The following ETS1 variants were observed in gnomAD, a reference collection of about 807,000 sequenced individuals.
The protein encoded by ETS1 is protein C-ets-1.
Under a neutral mutation model 58.6 loss-of-function variants are expected in ETS1, and 15 were observed. The ratio of observed to expected loss-of-function variants is 0.26; its 90% CI spans 0.17 to 0.39. ETS1 has a LOEUF of 0.39. Ranked by LOEUF, ETS1 falls within the 10% of genes least tolerant of loss-of-function variation. The probability of loss-of-function intolerance (pLI) is 1.00; values close to 1 mark genes in which losing one functional copy is unlikely to be tolerated. For missense variants in ETS1, 417 were observed against 610.5 expected (o/e 0.68, Z 3.34); for synonymous variants, 214 against 218.2 (o/e 0.98, Z 0.17).
intron 5 of ETS1, among the ~76,000 whole-genome samples, chr11:128,488,967 T>G (rs947121144): frequency 6.6e-6 from 1 of 152,212 alleles, no homozygotes; most frequent in Admixed American, 6.5e-5. Context: ...ATTCTTGGGT[T>G]GGCTGTGGGC....
chr11:128,511,539 T>C (rs1307835429), intron 3 of ETS1, among the ~76,000 whole-genome samples: 1 of 152,168 alleles, frequency 6.6e-6, no homozygotes, highest in Admixed American at 6.5e-5. Flanking sequence ...CAAAGCTCAG[T>C]AATCATACTA....
rs565234924 is a variant in ETS1, at chr11:128,560,196, T to G, written c.70-3761A>C. 2.6e-3 allele frequency among the ~76,000 whole-genome samples: 389 copies of G among 152,062 alleles called. 1 individual carries two copies. Among genetic ancestry groups the G allele is most frequent in the African/African-American group, 8.9e-3 (371 of 41,464 alleles). The stretch of plus-strand genomic sequence containing the variant: ...GGCGCAATCTCGGCTCACTGCAACC[T>G]CCGCCTCCTGGCATCAAGTGATTCT... On this transcript the variant is annotated intron_variant, in intron 2 of 9. Coordinates refer to ENST00000392668, the MANE Select transcript of ETS1 (RefSeq NM_001143820.2).
At chr11:128,476,813 A>T (rs749624126) in intron 8 of ETS1, among the ~76,000 whole-genome samples, 21 of 152,400 alleles carry the variant, frequency 1.4e-4, no homozygotes, top group Non-Finnish European at 2.2e-4. Flanking sequence ...AACCGTAAAC[A>T]GTTCACAGTA....
intron 3 of ETS1, among the ~76,000 whole-genome samples, chr11:128,512,474 A>T (rs967731560): frequency 6.6e-6 from 1 of 152,224 alleles, no homozygotes; most frequent in African/African-American, 2.4e-5. Context: ...CTCAAAATGC[A>T]GAAATAACAT....
In ETS1 at chr11:128,463,022, A is replaced by G. The variant is rs1384655302; in HGVS notation, c.1243-446T>C. Among the ~76,000 whole-genome samples the G allele has an allele frequency of 6.6e-6, 1 of 152,182 alleles. No individual in the cohort carries two copies. The highest frequency in any genetic ancestry group is 1.5e-5 in the Non-Finnish European group (1 of 68,014). On this transcript the variant is annotated intron_variant, in intron 9 of 9. Coordinates refer to ENST00000392668, the MANE Select transcript of ETS1 (RefSeq NM_001143820.2). The surrounding 1 kb of genome is among the most constrained non-coding windows in gnomAD (Gnocchi z 4.1). The stretch of plus-strand genomic sequence containing the variant: ...TGTTTTTTTTCCATACCAGGGCACA[A>G]ATATTTTCTCATGTCTGCCAGAACA...
intron 2 of ETS1, among the ~76,000 whole-genome samples, chr11:128,566,136 T>C (rs143437017): frequency 1.4e-3 from 219 of 152,366 alleles, no homozygotes; most frequent in African/African-American, 4.7e-3. Context: ...CTGTTTCTCA[T>C]GCAGGGCAGT....
intron 8 of ETS1, among the ~76,000 whole-genome samples, chr11:128,477,928 G>A (rs1862368625): frequency 6.6e-6 from 1 of 152,056 alleles, no homozygotes. Context: ...CTGCCACCAA[G>A]ATAAGAATGA....
At chr11:128,506,675 C>A (rs576197237) in intron 3 of ETS1, among the ~76,000 whole-genome samples, 2 of 152,060 alleles carry the variant, frequency 1.3e-5, no homozygotes, top group South Asian at 4.1e-4. Context: ...ATGAGATCTC[C>A]CACAGCCACC....
At chr11:128,528,115 G>C (rs1186530748) in intron 3 of ETS1, among the ~76,000 whole-genome samples, 1 of 152,172 alleles carries the variant, frequency 6.6e-6, no homozygotes, top group Non-Finnish European at 1.5e-5. Context: ...GAGGAGATGA[G>C]GAGGTAGAGT....
chr11:128,550,824 GAAAA>G (rs1864217614), intron 3 of ETS1, among the ~76,000 whole-genome samples: 1 of 152,192 alleles, frequency 6.6e-6, no homozygotes, highest in Non-Finnish European at 1.5e-5. Context: ...TCTTGTCCTA[GAAAA>G]TAGTTGGGCA....
chr11:128,506,911 G>A (rs1863252673), intron 3 of ETS1, among the ~76,000 whole-genome samples: 1 of 152,162 alleles, frequency 6.6e-6, no homozygotes, highest in South Asian at 2.1e-4. Flanking sequence ...AGGCTGCCGA[G>A]TGCTCTTTTA....
intron 3 of ETS1, among the ~76,000 whole-genome samples, chr11:128,512,580 G>A (rs1314519784): frequency 2.6e-5 from 4 of 152,246 alleles, no homozygotes; most frequent in African/African-American, 9.6e-5. Context: ...GGTGGCTGGG[G>A]AAGCCAAGGC....
chr11:128,488,121 T>C (rs1862689474), intron 5 of ETS1, among the ~76,000 whole-genome samples: 1 of 152,172 alleles, frequency 6.6e-6, no homozygotes, highest in Admixed American at 6.5e-5. Flanking sequence ...ATCAGATCTG[T>C]TAGGAGCCTG....
intron 1 of ETS1, among the ~76,000 whole-genome samples, chr11:128,578,993 C>T (rs1024876482): frequency 6.6e-6 from 1 of 152,112 alleles, no homozygotes; most frequent in Non-Finnish European, 1.5e-5. Flanking sequence ...ATATGCATTC[C>T]ATATTTGAAT....
intron 3 of ETS1, among the ~76,000 whole-genome samples, chr11:128,509,602 A>G (rs910085107): frequency 6.9e-6 from 1 of 144,812 alleles, no homozygotes; most frequent in Non-Finnish European, 1.5e-5. Context: ...ACACATCCCA[A>G]TGGTAGATAT....
chr11:128,497,263 C>T (rs1275759496), intron 3 of ETS1, among the ~76,000 whole-genome samples: 1 of 152,208 alleles, frequency 6.6e-6, no homozygotes, highest in Non-Finnish European at 1.5e-5. Flanking sequence ...TGCACACAGT[C>T]ACTAGGGAAA....
chr11:128,573,912 C>T lies in ETS1; in HGVS notation c.-14-768G>A, dbSNP rs143803924. On this transcript the variant is annotated intron_variant, in intron 1 of 9. Transcript: ENST00000392668. ...TTAAAAAGTCGTTCTTGAATAATCT[C>T]GAAGATTAAATTCCTAGGCATACCA... Among the ~76,000 whole-genome samples, 509 of 152,278 alleles carry T rather than the reference C, an allele frequency of 3.3e-3. 3 individuals carry two copies. Among genetic ancestry groups the T allele is most frequent in the African/African-American group, 0.011 (472 of 41,538 alleles).
chr11:128,551,446 T>C (rs1277940800), intron 3 of ETS1, among the ~76,000 whole-genome samples: 16 of 152,214 alleles, frequency 1.1e-4, no homozygotes, highest in Admixed American at 9.8e-4. Flanking sequence ...CTTCCAAAGT[T>C]TATTTGGGAA....
intron 3 of ETS1, among the ~76,000 whole-genome samples, chr11:128,508,059 C>G (rs113827620): frequency 6.6e-6 from 1 of 152,316 alleles, no homozygotes; most frequent in African/African-American, 2.4e-5. Flanking sequence ...AACTCACGTT[C>G]GGTAAGAATG....
Sources: gnomAD v4.1 joint callset for allele counts (sites outside exome capture counted in the v4.1 genomes callset) on GRCh38, gnomAD v4.1.1 for gene constraint, Gnocchi (gnomAD v3.1) non-coding constraint, MANE v1.5 for transcripts, NCBI Gene and HGNC (gene_info 2026-07-23, HGNC 2026-07-21) for gene names.